Variants in MAPK1IP1L observed in about 807,000 individuals in gnomAD.
The protein encoded by MAPK1IP1L is MAPK-interacting and spindle-stabilizing protein-like.
In MAPK1IP1L, 10 loss-of-function variants were observed where a neutral mutation model predicts 18.1. The ratio of observed to expected loss-of-function variants is 0.55; its 90% CI spans 0.34 to 0.94. MAPK1IP1L has a LOEUF of 0.94. Among genes scored for constraint, MAPK1IP1L ranks in the 40% least tolerant of loss-of-function variants. The probability of loss-of-function intolerance (pLI) is 0.02; values close to 1 mark genes in which losing one functional copy is unlikely to be tolerated. For missense variants in MAPK1IP1L, 260 were observed against 318.2 expected, an observed-to-expected ratio of 0.82 and a Z score of 1.39; for synonymous variants, 115 against 117.3, an observed-to-expected ratio of 0.98 and a Z score of 0.13.
At chr14:55,058,658 C>A (rs142742532) in intron 1 of MAPK1IP1L, among the ~76,000 whole-genome samples, 1,986 of 152,198 alleles carry the variant, frequency 0.013, 42 homozygotes, top group Middle Eastern at 0.054. Flanking sequence ...TGGTGAAACC[C>A]TGTCTCTATT....
Position 55,064,700 on chromosome 14 carries a change from A to G in MAPK1IP1L, c.*73A>G. On this transcript the variant is annotated 3_prime_UTR_variant, in exon 4 of 4. Transcript: ENST00000395468. ...ATATGCACATGAATGCATATATAAAAATTGCTGGTTTCACTATTAGAGGGC... is the reference window on the plus strand; with the variant it reads ...ATATGCACATGAATGCATATATAAAGATTGCTGGTTTCACTATTAGAGGGC... 1.0e-5 allele frequency: 15 copies of G among 1,481,414 alleles called. No individual in the cohort carries two copies. The highest frequency in any genetic ancestry group is 1.3e-5 in the Non-Finnish European group (14 of 1,069,030). The allele number at this position is 1,481,414 out of a possible 1,614,324, so 91.8% of individuals were successfully genotyped here. A position where few individuals can be genotyped will look rare whatever the true frequency, so the allele number is the denominator to read the frequency against.
chr14:55,057,494 C>T (rs779425840), intron 1 of MAPK1IP1L, among the ~76,000 whole-genome samples: 3 of 152,216 alleles, frequency 2.0e-5, no homozygotes, highest in Non-Finnish European at 4.4e-5. Context: ...CGCAGTGGCT[C>T]ACGCCTGTAA....
At chr14:55,054,271 G>A (rs2042753779) in intron 1 of MAPK1IP1L, among the ~76,000 whole-genome samples, 1 of 143,814 alleles carries the variant, frequency 7.0e-6, no homozygotes, top group South Asian at 2.5e-4. Flanking sequence ...TCGAAGCGAA[G>A]TAGCTGGGAT....
At chr14:55,058,112 CACCT>C (rs2042786096) in intron 1 of MAPK1IP1L, among the ~76,000 whole-genome samples, 2 of 152,194 alleles carry the variant, frequency 1.3e-5, no homozygotes, top group African/African-American at 2.4e-5. Flanking sequence ...AGGGTGCTCT[CACCT>C]ACACCCACGC....
chr14:55,058,321 G>A (rs902495435), intron 1 of MAPK1IP1L, among the ~76,000 whole-genome samples: 11 of 152,158 alleles, frequency 7.2e-5, no homozygotes, highest in African/African-American at 1.9e-4. Context: ...AACGTCTTTC[G>A]AGGACCTGCT....
At chr14:55,054,229 C>G (rs377022200) in intron 1 of MAPK1IP1L, among the ~76,000 whole-genome samples, 1 of 148,854 alleles carries the variant, frequency 6.7e-6, no homozygotes, top group South Asian at 2.1e-4. Flanking sequence ...GCTCCGCCTC[C>G]CAGGTTCCAG....
Position 55,063,315 on chromosome 14 carries a change from G to C in MAPK1IP1L, c.716G>C (p.Gly239Ala). Residue 239 changes from glycine (G) to alanine (A), a missense_variant, in exon 3 of 4, where the codon GGT (glycine) becomes GCT (alanine). Transcript: ENST00000395468. ...SGPSGAPPMP[G>A]GPHSYH ...CCTTCTGGTGCTCCACCAATGCCTG[G>C]TGGCCCCCATGTGAGTGTTCAATTT... The C allele has an allele frequency of 6.2e-7, 1 of 1,610,796 alleles. No homozygotes were observed. The highest frequency in any genetic ancestry group is 8.5e-7 in the Non-Finnish European group (1 of 1,177,812).
At chr14:55,052,694 A>G (rs978064670) in intron 1 of MAPK1IP1L, among the ~76,000 whole-genome samples, 5 of 152,342 alleles carry the variant, frequency 3.3e-5, no homozygotes, top group Middle Eastern at 3.4e-3. Flanking sequence ...GCCTTCAGAA[A>G]CATTTCATAA....
chr14:55,062,582 C>A, intron 2 of MAPK1IP1L, 36 bp from the exon 3 acceptor site: 1 of 1,539,042 alleles, frequency 6.5e-7, no homozygotes, highest in South Asian at 1.2e-5. Flanking sequence ...GTAACTTTTC[C>A]CTAGATAGGA....
chr14:55,063,425 G>A lies in MAPK1IP1L; in HGVS notation c.726+100G>A. The A allele has an allele frequency of 1.9e-6, 2 of 1,040,308 alleles. 1 individual carries two copies. Among genetic ancestry groups the A allele is most frequent in the Non-Finnish European group, 2.7e-6 (2 of 734,454 alleles). 64.4% of individuals were successfully genotyped at this position (1,040,308 alleles called of 1,614,324 possible). ...GATGGAAGATTAAGAAGGCTTTTAAGTTTTTAAAAGAGGGTGTGTGTATAT... is the reference window on the plus strand; with the variant it reads ...GATGGAAGATTAAGAAGGCTTTTAAATTTTTAAAAGAGGGTGTGTGTATAT... On this transcript the variant is annotated intron_variant, in intron 3 of 3. Coordinates refer to ENST00000395468, the MANE Select transcript of MAPK1IP1L (RefSeq NM_144578.4).
Position 55,051,765 on chromosome 14 carries a change from G to A in MAPK1IP1L, c.-43G>A, listed in dbSNP as rs2042730187. Reference sequence around the variant, plus strand: ...CAGGGCCCAGTCCCTCGGACCCATCGCCGCTTCTAGACCCTACTGCGGTCT... The same window carrying A: ...CAGGGCCCAGTCCCTCGGACCCATCACCGCTTCTAGACCCTACTGCGGTCT... On this transcript the variant is annotated 5_prime_UTR_variant, in exon 1 of 4. Coordinates refer to ENST00000395468, the MANE Select transcript of MAPK1IP1L (RefSeq NM_144578.4). 3.9e-6 allele frequency: 2 copies of A among 513,698 alleles called. No individual in the cohort carries two copies. The highest frequency in any genetic ancestry group is 2.0e-5 in the African/African-American group (1 of 51,000). The allele number at this position is 513,698 out of a possible 1,614,324, so 31.8% of individuals were successfully genotyped here. A position where few individuals can be genotyped will look rare whatever the true frequency, so the allele number is the denominator to read the frequency against.
In MAPK1IP1L at chr14:55,062,937, C is replaced by G. The variant is rs1409901118; in HGVS notation, c.338C>G (p.Thr113Arg). 1 of 1,614,064 alleles carries G rather than the reference C, an allele frequency of 6.2e-7. No homozygotes were observed. The highest frequency in any genetic ancestry group is 1.7e-5 in the Admixed American group (1 of 60,020). The change falls in exon 3 of 4, where the codon ACA becomes AGA. Residue 113 changes from threonine (T) to arginine (R), a missense_variant. By Grantham distance (71) the Thr-to-Arg change is moderately conservative (BLOSUM62 -1). Coordinates refer to ENST00000395468, the MANE Select transcript of MAPK1IP1L (RefSeq NM_144578.4). ...PAPTVPGPGP[T>R]GPYPTPNMPF... ...CCAACTGTGCCGGGCCCTGGCCCCA[C>G]AGGGCCATATCCTACACCAAATATG...
rs2042885321 is a variant in MAPK1IP1L at position 55,068,924 on chromosome 14, T to C, written c.*4297T>C. 1 of 152,240 alleles carries C rather than the reference T, an allele frequency of 6.6e-6. No homozygotes were observed. The highest frequency in any genetic ancestry group is 2.4e-5 in the African/African-American group (1 of 41,466). 9.4% of individuals were successfully genotyped at this position (152,240 alleles called of 1,614,324 possible). A position where few individuals can be genotyped will look rare whatever the true frequency, so the allele number is the denominator to read the frequency against. On this transcript the variant is annotated 3_prime_UTR_variant, in exon 4 of 4. Transcript: ENST00000395468. The stretch of plus-strand genomic sequence containing the variant: ...AATTTGTTAGCATACCCATTCATTA[T>C]TAGTTTTACCTAAACGTGTTAGGAT...
At chr14:55,060,900 G>T (rs563475546) in intron 1 of MAPK1IP1L, 1 of 152,180 alleles carries the variant, frequency 6.6e-6, no homozygotes, top group Non-Finnish European at 1.5e-5. Flanking sequence ...ACTTTGGGAG[G>T]CTGAGGCAGG....
At chr14:55,052,580 C>T (rs2042739221) in intron 1 of MAPK1IP1L, among the ~76,000 whole-genome samples, 2 of 152,164 alleles carry the variant, frequency 1.3e-5, no homozygotes, top group African/African-American at 4.8e-5. Flanking sequence ...AAGCCAGGCT[C>T]ACTCGACCGC....
intron 1 of MAPK1IP1L, chr14:55,060,805 A>G (rs1216011776): frequency 6.6e-6 from 1 of 152,164 alleles, no homozygotes; most frequent in Non-Finnish European, 1.5e-5. Flanking sequence ...TTACACTTCA[A>G]TTTAAAAATT....
chr14:55,058,801 T>C (rs879385049), intron 1 of MAPK1IP1L, among the ~76,000 whole-genome samples: 1 of 150,694 alleles, frequency 6.6e-6, no homozygotes, highest in Non-Finnish European at 1.5e-5. Flanking sequence ...TATTGCACTC[T>C]AGCCTGGGCA....
At chr14:55,055,951 C>A (rs7149798) in intron 1 of MAPK1IP1L, among the ~76,000 whole-genome samples, 2 of 152,058 alleles carry the variant, frequency 1.3e-5, no homozygotes, top group South Asian at 2.1e-4. Context: ...AAAAAACTTA[C>A]GAATTATTTA....
Position 55,067,202 on chromosome 14 carries a change from C to G in MAPK1IP1L, c.*2575C>G, listed in dbSNP as rs1265032306. ...TACAGGCGTGAGCCACCACGTCCGG[C>G]CGATTTTTTTTTTTTTTTTTAATGT... On this transcript the variant is annotated 3_prime_UTR_variant, in exon 4 of 4. Coordinates refer to ENST00000395468, the MANE Select transcript of MAPK1IP1L (RefSeq NM_144578.4). The G allele has an allele frequency of 1.0e-5, 1 of 97,410 alleles. No homozygotes were observed. The highest frequency in any genetic ancestry group is 9.6e-5 in the Admixed American group (1 of 10,390). 6.0% of individuals were successfully genotyped at this position (97,410 alleles called of 1,614,324 possible).
Sources: allele counts gnomAD v4.1 joint callset (sites outside exome capture counted in the v4.1 genomes callset), GRCh38; gene constraint gnomAD v4.1.1; transcripts MANE v1.5; gene names NCBI Gene and HGNC (gene_info 2026-07-23, HGNC 2026-07-21).